Variants in AREL1 observed in about 807,000 individuals in gnomAD.
AREL1 encodes apoptosis-resistant E3 ubiquitin protein ligase 1.
In AREL1, 62 loss-of-function variants were observed where a neutral mutation model predicts 99.0. That is an observed-to-expected ratio of 0.63 (90% CI 0.51 to 0.77). AREL1 has a LOEUF of 0.77. Ranked by LOEUF, AREL1 falls within the 30% of genes least tolerant of loss-of-function variation. The probability of loss-of-function intolerance (pLI) is 0.00; values close to 1 mark genes in which losing one functional copy is unlikely to be tolerated. For synonymous variants in AREL1, 380 were observed against 376.5 expected (o/e 1.01, Z -0.11); for missense variants, 879 against 1,027.6 (o/e 0.86, Z 1.98).
chr14:74,662,593 G>T lies in AREL1; in HGVS notation c.*1127C>A, dbSNP rs1203241047. 5.0e-6 allele frequency: 2 copies of T among 398,462 alleles called. No homozygotes were observed. Among genetic ancestry groups the T allele is most frequent in the East Asian group, 7.1e-5 (2 of 28,070 alleles). The allele number at this position is 398,462 out of a possible 1,614,324, so 24.7% of individuals were successfully genotyped here. On this transcript the variant is annotated 3_prime_UTR_variant, in exon 20 of 20. Transcript: ENST00000356357. ...TAGTTCTCCTTCCTGATAACTGATG[G>T]AGCAAAGGGGAGTACAGGGGTTGGC...
chr14:74,692,572 G>A (rs1422993644), intron 1 of AREL1, among the ~76,000 whole-genome samples: 5 of 152,094 alleles, frequency 3.3e-5, no homozygotes, highest in Admixed American at 2.0e-4. Context: ...CTATGTCTCC[G>A]GCTGAGAAGT....
At chr14:74,684,390 T>C in intron 4 of AREL1, 64 bp downstream of exon 4, 1 of 1,443,576 alleles carries the variant, frequency 6.9e-7, no homozygotes. Context: ...GGCCAGCACC[T>C]GGGCTCTGGA....
At chr14:74,664,993 T>C (rs1595335141) in intron 17 of AREL1, 68 bp from the exon 18 acceptor site, 8 of 1,325,884 alleles carry the variant, frequency 6.0e-6, no homozygotes, top group South Asian at 2.5e-5. Flanking sequence ...AGGTCAAAAT[T>C]ACCTAAGTTA....
intron 7 of AREL1, 63 bp downstream of exon 7, chr14:74,676,078 A>G (rs2089466073): frequency 2.5e-6 from 4 of 1,573,712 alleles, no homozygotes; most frequent in African/African-American, 1.3e-5. Context: ...CAGACAAAAG[A>G]GTGCAAACAG....
rs1219586229 is a variant in AREL1 at position 74,683,499 on chromosome 14, T to C, written c.278A>G (p.His93Arg). Residue 93 changes from histidine to arginine, a missense_variant, in exon 5 of 20, where the codon CAT becomes CGT. By Grantham distance (29) the His-to-Arg change is conservative. Transcript: ENST00000356357. ...FYKNGQPFPA[H>R]RPVGLRVHIS... ...GTGAACTCTTAGTCCCACAGGCCGA[T>C]GTGCAGGGAAAGGCTGCCCGTTCTT... 5.0e-6 allele frequency: 8 copies of C among 1,613,956 alleles called. No individual in the cohort carries two copies. The highest frequency in any genetic ancestry group is 1.1e-5 in the South Asian group (1 of 91,086).
intron 2 of AREL1, among the ~76,000 whole-genome samples, chr14:74,688,182 T>C (rs112288215): frequency 0.14 from 20,606 of 151,716 alleles, 1,721 homozygotes; most frequent in South Asian, 0.3. Flanking sequence ...CCTGCCACCA[T>C]GCCCAGCTAA....
At chr14:74,668,498 A>C (rs1358449200) in intron 15 of AREL1, among the ~76,000 whole-genome samples, 1 of 152,088 alleles carries the variant, frequency 6.6e-6, no homozygotes, top group Non-Finnish European at 1.5e-5. Context: ...ATTTCTATCT[A>C]GGAGACTGAG....
chr14:74,686,229 C>CAAACT (rs1228992317), intron 2 of AREL1, among the ~76,000 whole-genome samples: 1 of 152,022 alleles, frequency 6.6e-6, no homozygotes, highest in East Asian at 1.9e-4. Context: ...ACCAATCAGA[C>CAAACT]AAACTAATGG....
At chr14:74,665,238 G>GA (rs1045364582) in intron 17 of AREL1, among the ~76,000 whole-genome samples, 3 of 148,438 alleles carry the variant, frequency 2.0e-5, no homozygotes, top group Non-Finnish European at 3.0e-5. Flanking sequence ...TATACAGGAA[G>GA]AAAAAAAATT....
chr14:74,675,897 G>C lies in AREL1; in HGVS notation c.882C>G (p.Ser294Arg). ...TATAAAGATAAGCCTCAAAGTAAATGCTCACGCCTGAAGTGGACACATTGC... is the reference window on the plus strand; with the variant it reads ...TATAAAGATAAGCCTCAAAGTAAATCCTCACGCCTGAAGTGGACACATTGC... ...VERNVSTSGV[S>R]IYFEAYLYNA... Residue 294 changes from serine to arginine, a missense_variant, in exon 8 of 20, where the codon AGC (serine) becomes AGG (arginine). Transcript: ENST00000356357. 6.2e-7 allele frequency: 1 copy of C among 1,613,392 alleles called. No individual in the cohort carries two copies.
In AREL1 at chr14:74,662,610, G is replaced by C; in HGVS notation, c.*1110C>G. 2.5e-6 allele frequency: 1 copy of C among 398,552 alleles called. No homozygotes were observed. The highest frequency in any genetic ancestry group is 4.4e-6 in the Non-Finnish European group (1 of 226,082). The allele number at this position is 398,552 out of a possible 1,614,324, so 24.7% of individuals were successfully genotyped here. On this transcript the variant is annotated 3_prime_UTR_variant, in exon 20 of 20. Coordinates refer to ENST00000356357, the MANE Select transcript of AREL1 (RefSeq NM_001039479.2). ...AACTGATGGAGCAAAGGGGAGTACA[G>C]GGGTTGGCAGGTGTTTACTGTGTAA...
rs773529888 is a variant in AREL1 at position 74,664,066 on chromosome 14, C to T, written c.2202G>A (p.Arg734=). Residue 734 remains arginine, a synonymous_variant, in exon 19 of 20, where the codon AGG becomes AGA. Transcript: ENST00000356357. The part of the protein sequence containing the change: ...GSWHFREKVM[R]WFWTVVSSLT... ...GACTGGAAACCACAGTCCAAAACCA[C>T]CTCATGACCTGGCAGGGAGAGCACA... 5.0e-6 allele frequency: 8 copies of T among 1,613,268 alleles called. No homozygotes were observed. Among genetic ancestry groups the T allele is most frequent in the Non-Finnish European group, 6.8e-6 (8 of 1,179,600 alleles).
At chr14:74,664,336 T>C (rs947419459) in intron 18 of AREL1, among the ~76,000 whole-genome samples, 1 of 152,104 alleles carries the variant, frequency 6.6e-6, no homozygotes, top group Non-Finnish European at 1.5e-5. Flanking sequence ...CCCTTAGGGA[T>C]CAGGGCTCCC....
At chr14:74,674,184 T>C in intron 8 of AREL1, 73 bp from the exon 9 acceptor site, 1 of 1,229,292 alleles carries the variant, frequency 8.1e-7, no homozygotes, top group Non-Finnish European at 1.2e-6. Context: ...CTAATTCAAA[T>C]ATCATAGTCC....
At chr14:74,712,774 C>G (rs1209333872) in intron 1 of AREL1, 159 bp downstream of exon 1, 5 of 351,192 alleles carry the variant, frequency 1.4e-5, no homozygotes, top group Non-Finnish European at 2.8e-5. Flanking sequence ...ACCATAGACA[C>G]CGGATACCCC....
At chr14:74,689,896 T>C (rs1232621713) in intron 2 of AREL1, among the ~76,000 whole-genome samples, 1 of 151,754 alleles carries the variant, frequency 6.6e-6, no homozygotes, top group Non-Finnish European at 1.5e-5. Context: ...ATGCCCGGCC[T>C]AGCACTTTTA....
intron 1 of AREL1, among the ~76,000 whole-genome samples, chr14:74,704,443 G>A: frequency 6.6e-6 from 1 of 152,066 alleles, no homozygotes; most frequent in East Asian, 1.9e-4. Context: ...GAGTAGGGAG[G>A]GGGGCTTCCA....
chr14:74,670,479 T>A (rs1291746717), intron 13 of AREL1, among the ~76,000 whole-genome samples: 1 of 152,178 alleles, frequency 6.6e-6, no homozygotes, highest in Non-Finnish European at 1.5e-5. Context: ...TTCAGGTATG[T>A]TTTGAGAAAG....
intron 1 of AREL1, among the ~76,000 whole-genome samples, chr14:74,705,133 A>C (rs927069780): frequency 6.6e-6 from 1 of 151,300 alleles, no homozygotes; most frequent in African/African-American, 2.4e-5. Flanking sequence ...TCCACCTTCC[A>C]GGTTCAAGCG....
Sources: allele counts gnomAD v4.1 joint callset (sites outside exome capture counted in the v4.1 genomes callset), GRCh38; gene constraint gnomAD v4.1.1; transcripts MANE v1.5; gene names NCBI Gene and HGNC (gene_info 2026-07-23, HGNC 2026-07-21).